EXOC4: variants seen among roughly 807,000 people sequenced by gnomAD.
EXOC4 encodes the protein SEC8-like 1.
A neutral mutation model predicts 107.2 loss-of-function variants in EXOC4; 71 were observed. That is an observed-to-expected ratio of 0.66 (90% confidence interval 0.55 to 0.81). The LOEUF is 0.81. Ranked by LOEUF, EXOC4 falls within the 30% of genes least tolerant of loss-of-function variation. EXOC4 has a pLI of 0.00. For synonymous variants in EXOC4, 456 were observed against 441.2 expected, an observed-to-expected ratio of 1.03 and a Z score of -0.42; for missense variants, 1,108 against 1,189.6, an observed-to-expected ratio of 0.93 and a Z score of 1.01.
intron 11 of EXOC4, among the ~76,000 whole-genome samples, chr7:133,835,172 TAAAA>T (rs1797892911): frequency 1.3e-5 from 2 of 152,042 alleles, no homozygotes; most frequent in Admixed American, 1.3e-4. Context: ...CAGCGAAAAA[TAAAA>T]AAGTCAGAGA....
At chr7:133,685,889 C>T (rs573072056) in intron 10 of EXOC4, among the ~76,000 whole-genome samples, 1 of 152,216 alleles carries the variant, frequency 6.6e-6, no homozygotes, top group South Asian at 2.1e-4. Context: ...CTCACCTTTC[C>T]AAGTCTCCAG....
intron 7 of EXOC4, among the ~76,000 whole-genome samples, chr7:133,419,158 A>G (rs937862190): frequency 2.6e-5 from 4 of 152,174 alleles, no homozygotes; most frequent in Non-Finnish European, 4.4e-5. Context: ...GATGGTTTCA[A>G]GAAAATAACA....
At chr7:133,284,599 T>C (rs1263085521) in intron 2 of EXOC4, among the ~76,000 whole-genome samples, 1 of 152,170 alleles carries the variant, frequency 6.6e-6, no homozygotes, top group Non-Finnish European at 1.5e-5. Context: ...TGGCCCGATC[T>C]CGGCTCACTG....
At chr7:133,657,746 C>T (rs1038840930) in intron 10 of EXOC4, among the ~76,000 whole-genome samples, 18 of 152,260 alleles carry the variant, frequency 1.2e-4, no homozygotes, top group Admixed American at 2.6e-4. Context: ...TTATACTCAA[C>T]GCTTGAAATA....
intron 11 of EXOC4, among the ~76,000 whole-genome samples, chr7:133,885,169 C>T (rs1294571916): frequency 6.6e-6 from 1 of 152,160 alleles, no homozygotes; most frequent in South Asian, 2.1e-4. Flanking sequence ...CAAAAATTAG[C>T]CAGGTGTGGT....
chr7:133,431,251 G>A (rs1484043162), intron 7 of EXOC4, among the ~76,000 whole-genome samples: 1 of 152,110 alleles, frequency 6.6e-6, no homozygotes, highest in Non-Finnish European at 1.5e-5. Context: ...CTGTGCTTTG[G>A]GGGTTTATTG....
At chr7:133,466,903 C>G (rs1798742816) in intron 7 of EXOC4, among the ~76,000 whole-genome samples, 1 of 152,004 alleles carries the variant, frequency 6.6e-6, no homozygotes, top group Non-Finnish European at 1.5e-5. Flanking sequence ...TATAGAAAAG[C>G]ACTTGACCTC....
intron 14 of EXOC4, among the ~76,000 whole-genome samples, chr7:133,942,282 A>C (rs1254830441): frequency 6.7e-6 from 1 of 149,998 alleles, no homozygotes; most frequent in Non-Finnish European, 1.5e-5. Context: ...TTTTTTTTTT[A>C]AGTGAAGCCC....
Position 133,584,909 on chromosome 7 carries a change from A to T in EXOC4, c.1418-45136A>T, listed in dbSNP as rs148008891. On this transcript the variant is annotated intron_variant, in intron 9 of 17. Transcript: ENST00000253861. ...TATCTCTGTAATATATCAGAGTTCCATATAAGATTTCCACTGACAAGAGTT... is the reference window on the plus strand; with the variant it reads ...TATCTCTGTAATATATCAGAGTTCCTTATAAGATTTCCACTGACAAGAGTT... Among the ~76,000 whole-genome samples the T allele has an allele frequency of 2.6e-3, 398 of 152,216 alleles. 1 individual carries two copies. Among genetic ancestry groups the T allele is most frequent in the African/African-American group, 9.3e-3 (386 of 41,544 alleles).
chr7:133,430,881 A>C (rs1229243437), intron 7 of EXOC4, among the ~76,000 whole-genome samples: 1 of 152,194 alleles, frequency 6.6e-6, no homozygotes, highest in Non-Finnish European at 1.5e-5. Flanking sequence ...GAGAGGTTCT[A>C]ATGAATCCAT....
At chr7:133,314,420 G>C (rs1243455749) in intron 4 of EXOC4, among the ~76,000 whole-genome samples, 1 of 152,198 alleles carries the variant, frequency 6.6e-6, no homozygotes, top group South Asian at 2.1e-4. Flanking sequence ...TTTAGAGAGA[G>C]AGATGAGTGT....
intron 11 of EXOC4, among the ~76,000 whole-genome samples, chr7:133,819,810 T>C (rs1797467313): frequency 6.6e-6 from 1 of 151,316 alleles, no homozygotes; most frequent in African/African-American, 2.4e-5. Context: ...TACTGGCTTA[T>C]TAAATGTGAT....
intron 17 of EXOC4, among the ~76,000 whole-genome samples, chr7:134,017,618 C>T (rs184420350): frequency 4.5e-4 from 69 of 152,206 alleles, no homozygotes; most frequent in African/African-American, 1.6e-3. Flanking sequence ...CATTAGGTCC[C>T]GTGCATTGTA....
intron 17 of EXOC4, among the ~76,000 whole-genome samples, chr7:134,019,668 C>G (rs985599914): frequency 1.3e-5 from 2 of 152,288 alleles, no homozygotes; most frequent in South Asian, 4.2e-4. Context: ...AAACTTAGGT[C>G]AATCCAACCC....
chr7:133,657,347 C>A (rs1372184045), intron 10 of EXOC4, among the ~76,000 whole-genome samples: 1 of 151,960 alleles, frequency 6.6e-6, no homozygotes, highest in Admixed American at 6.6e-5. Flanking sequence ...TTTTTTTTAG[C>A]ATGGATGTTA....
intron 13 of EXOC4, among the ~76,000 whole-genome samples, chr7:133,918,371 C>T (rs1250275345): frequency 6.6e-6 from 1 of 152,074 alleles, no homozygotes; most frequent in Non-Finnish European, 1.5e-5. Context: ...GTTTGTAGCC[C>T]CCATATGGGC....
chr7:134,046,461 C>G (rs1384971692), intron 17 of EXOC4, among the ~76,000 whole-genome samples: 2 of 150,162 alleles, frequency 1.3e-5, no homozygotes, highest in Non-Finnish European at 3.0e-5. Context: ...CAGAGTAAGA[C>G]TATGTCTTAA....
chr7:133,768,931 A>G (rs1433196956), intron 10 of EXOC4, among the ~76,000 whole-genome samples: 3 of 151,992 alleles, frequency 2.0e-5, no homozygotes, highest in African/African-American at 7.2e-5. Context: ...AGGCCACGAC[A>G]CTTAAACTGA....
chr7:134,033,860 G>A (rs947844254), intron 17 of EXOC4, among the ~76,000 whole-genome samples: 1 of 152,186 alleles, frequency 6.6e-6, no homozygotes, highest in Non-Finnish European at 1.5e-5. Flanking sequence ...AAATAATGAA[G>A]CATTCTTTCT....
Sources: gnomAD v4.1 joint callset for allele counts (sites outside exome capture counted in the v4.1 genomes callset) on GRCh38, gnomAD v4.1.1 for gene constraint, MANE v1.5 for transcripts, NCBI Gene and HGNC (gene_info 2026-07-23, HGNC 2026-07-21) for gene names.